The following B3GALT2 variants were observed in gnomAD, a reference collection of about 807,000 sequenced individuals.
B3GALT2 encodes UDP-Gal:betaGlcNAc beta 1,3-galactosyltransferase, polypeptide 2.
A neutral mutation model predicts 33.5 loss-of-function variants in B3GALT2; 13 were observed. That is an observed-to-expected ratio of 0.39 (90% CI 0.25 to 0.62). The LOEUF (loss-of-function observed/expected upper bound fraction) is 0.62. Ranked by LOEUF, B3GALT2 falls within the 20% of genes least tolerant of loss-of-function variation. The pLI is 0.53. For missense variants in B3GALT2, 418 were observed against 509.1 expected (o/e 0.82, Z 1.72); for synonymous variants, 195 against 172.7 (o/e 1.13, Z -1.01).
chr1:193,178,997 C>G lies in B3GALT2; in HGVS notation c.*1297G>C, dbSNP rs1676661602. ...GTTGGTATTTCTTGATTTTAAAATT[C>G]ATGATGGAGTCAAACAAAATTATTG... On this transcript the variant is annotated 3_prime_UTR_variant, in exon 2 of 2. Coordinates refer to ENST00000367434, the MANE Select transcript of B3GALT2 (RefSeq NM_003783.3). The G allele has an allele frequency of 6.6e-6, 1 of 152,154 alleles. No individual in the cohort carries two copies. The highest frequency in any genetic ancestry group is 2.1e-4 in the South Asian group (1 of 4,838). 9.4% of individuals were successfully genotyped at this position (152,154 alleles called of 1,614,324 possible). A position where few individuals can be genotyped will look rare whatever the true frequency, so the allele number is the denominator to read the frequency against.
rs1676716767 is a variant in B3GALT2 at position 193,181,524 on chromosome 1, C to T, written c.39G>A (p.Lys13=). 1 of 1,607,542 alleles carries T rather than the reference C, an allele frequency of 6.2e-7. No individual in the cohort carries two copies. Among genetic ancestry groups the T allele is most frequent in the Non-Finnish European group, 8.5e-7 (1 of 1,177,326 alleles). The stretch of plus-strand genomic sequence containing the variant: ...GAGACCTTTTGGCATTCCAGGTCAT[C>T]TTTGCAAAGCAGCAGTGTCTTCTCC... The part of the protein sequence containing the change: ...QWRRRHCCFA[K]MTWNAKRSLF... The change falls in exon 2 of 2, where the codon AAG becomes AAA. Residue 13 remains lysine, a synonymous_variant. Coordinates refer to ENST00000367434, the MANE Select transcript of B3GALT2 (RefSeq NM_003783.3).
In B3GALT2 at chr1:193,183,169, T is replaced by C. The variant is rs190274101; in HGVS notation, c.-120-1487A>G. On this transcript the variant is annotated intron_variant, in intron 1 of 1. Transcript: ENST00000367434. ...CATAACGTTAAGTACTTTGAAAATA[T>C]TGATTGAAAGTGTTAGATGTAAATG... Among the ~76,000 whole-genome samples, 343 of 151,796 alleles carry C rather than the reference T, an allele frequency of 2.3e-3. 2 individuals carry two copies. The highest frequency in any genetic ancestry group is 3.9e-3 in the Non-Finnish European group (261 of 67,788).
chr1:193,181,298 G>C lies in B3GALT2; in HGVS notation c.265C>G (p.Gln89Glu). Residue 89 changes from glutamine to glutamate, a missense_variant, in exon 2 of 2, where the codon CAA becomes GAA. By Grantham distance (29) the Gln-to-Glu change is conservative. This residue lies in a region of B3GALT2 where 188 missense variants were observed against 197.5 expected (regional missense o/e 0.95). Coordinates refer to ENST00000367434, the MANE Select transcript of B3GALT2 (RefSeq NM_003783.3). ...LRNIWKETVP[Q>E]TLRPQTATNS... is the part of the protein sequence containing the mutation. The stretch of plus-strand genomic sequence containing the variant: ...GTTGCTGTTTGAGGCCTCAGGGTTT[G>C]AGGGACTGTTTCTTTCCAAATGTTC... The C allele has an allele frequency of 6.2e-7, 1 of 1,614,068 alleles. No homozygotes were observed. Among genetic ancestry groups the C allele is most frequent in the Non-Finnish European group, 8.5e-7 (1 of 1,179,956 alleles).
rs773265990 is a variant in B3GALT2, at chr1:193,181,699, C to G, written c.-120-17G>C. 2 of 819,706 alleles carry G rather than the reference C, an allele frequency of 2.4e-6. No homozygotes were observed. Among genetic ancestry groups the G allele is most frequent in the Non-Finnish European group, 1.9e-6 (1 of 540,490 alleles). 50.8% of individuals were successfully genotyped at this position (819,706 alleles called of 1,614,324 possible). The stretch of plus-strand genomic sequence containing the variant: ...GTAGTCATTCTATAAAAATGAAGCA[C>G]AAAAGTTTACAGAACTGCCTGAAAG... On this transcript the variant is annotated splice_polypyrimidine_tract_variant and intron_variant, in intron 1 of 1. Transcript: ENST00000367434.
intron 1 of B3GALT2, among the ~76,000 whole-genome samples, chr1:193,182,326 C>G (rs905377431): frequency 1.3e-5 from 2 of 152,054 alleles, no homozygotes; most frequent in African/African-American, 4.8e-5. Flanking sequence ...TTAACACTTT[C>G]AAAAATTTTA....
chr1:193,183,836 T>A (rs999584798), intron 1 of B3GALT2, among the ~76,000 whole-genome samples: 2 of 151,930 alleles, frequency 1.3e-5, no homozygotes, highest in Admixed American at 1.3e-4. Flanking sequence ...GGAATCTGGT[T>A]GAAGTCCAAT....
rs1049944995 is a variant in B3GALT2 at position 193,186,458 on chromosome 1, T to C, written c.-560A>G. 2 of 152,570 alleles carry C rather than the reference T, an allele frequency of 1.3e-5. No individual in the cohort carries two copies. The highest frequency in any genetic ancestry group is 2.9e-5 in the Non-Finnish European group (2 of 68,030). 9.5% of individuals were successfully genotyped at this position (152,570 alleles called of 1,614,324 possible). On this transcript the variant is annotated 5_prime_UTR_variant, in exon 1 of 2. Transcript: ENST00000367434. ...GCAGCCAGAGCTAAAATGTAGTGCT[T>C]CAGTTGTATTGGAAAAGAATAGGAT...
chr1:193,181,710 A>C (rs1676720488), intron 1 of B3GALT2, 28 bp from the exon 2 acceptor site: 2 of 740,252 alleles, frequency 2.7e-6, no homozygotes, highest in South Asian at 4.6e-5. Context: ...AAAAGTTTAC[A>C]GAACTGCCTG....
chr1:193,185,543 T>C (rs967140359), intron 1 of B3GALT2, among the ~76,000 whole-genome samples: 1 of 152,214 alleles, frequency 6.6e-6, no homozygotes, highest in South Asian at 2.1e-4. Flanking sequence ...CATATTAAGG[T>C]TTTGTTTTAA....
At chr1:193,185,563 GA>G (rs200283970) in intron 1 of B3GALT2, among the ~76,000 whole-genome samples, 32 of 150,082 alleles carry the variant, frequency 2.1e-4, no homozygotes, top group African/African-American at 6.3e-4. Flanking sequence ...AAAGGACTTT[GA>G]AAAAAAAACT....
Position 193,181,162 on chromosome 1 carries a change from T to C in B3GALT2, c.401A>G (p.Tyr134Cys). ...CTCATTAATAATATATTTGAAATGG[T>C]AAGAATTTGGATGTCCAGTACCTTT... ...NEKGTGHPNS[Y>C]HFKYIINEPE... is the part of the protein sequence containing the mutation. Residue 134 changes from tyrosine to cysteine, a missense_variant, in exon 2 of 2, where the codon TAC (tyrosine) becomes TGC (cysteine). Physicochemically the swap from Tyr to Cys is radical, Grantham distance 194 (BLOSUM62 -2). Coordinates refer to ENST00000367434, the MANE Select transcript of B3GALT2 (RefSeq NM_003783.3). 6.2e-7 allele frequency: 1 copy of C among 1,613,930 alleles called. No homozygotes were observed. Among genetic ancestry groups the C allele is most frequent in the Non-Finnish European group, 8.5e-7 (1 of 1,179,934 alleles).
rs1279357292 is a variant in B3GALT2 at position 193,180,822 on chromosome 1, A to G, written c.741T>C (p.Tyr247=). 2 of 1,614,098 alleles carry G rather than the reference A, an allele frequency of 1.2e-6. No homozygotes were observed. Among genetic ancestry groups the G allele is most frequent in the African/African-American group, 1.3e-5 (1 of 75,064 alleles). The change falls in exon 2 of 2, where the codon TAT becomes TAC. Residue 247 remains tyrosine, a synonymous_variant. Coordinates refer to ENST00000367434, the MANE Select transcript of B3GALT2 (RefSeq NM_003783.3). The part of the protein sequence containing the change: ...WVATYCPHIP[Y]VMKTDSDMFV... ...ACATGTCACTGTCAGTTTTCATAAC[A>G]TATGGAATATGTGGACAGTATGTTG...
rs1214960823 is a variant in B3GALT2 at position 193,180,152 on chromosome 1, T to C, written c.*142A>G. Reference sequence around the variant, plus strand: ...TGTTATAGTTTTAAGAATTAACTTCTTCAGAAATTAAAAAAATACTTCTTG... The same window carrying C: ...TGTTATAGTTTTAAGAATTAACTTCCTCAGAAATTAAAAAAATACTTCTTG... On this transcript the variant is annotated 3_prime_UTR_variant, in exon 2 of 2. Transcript: ENST00000367434. 4.1e-6 allele frequency: 3 copies of C among 736,306 alleles called. No individual in the cohort carries two copies. Among genetic ancestry groups the C allele is most frequent in the Non-Finnish European group, 6.0e-6 (3 of 502,490 alleles). The allele number at this position is 736,306 out of a possible 1,614,324, so 45.6% of individuals were successfully genotyped here. A position where few individuals can be genotyped will look rare whatever the true frequency, so the allele number is the denominator to read the frequency against.
intron 1 of B3GALT2, among the ~76,000 whole-genome samples, chr1:193,184,033 A>G (rs1443919793): frequency 6.6e-6 from 1 of 151,872 alleles, no homozygotes; most frequent in Admixed American, 6.6e-5. Flanking sequence ...AGTATTACAG[A>G]AAACAGCAAA....
In B3GALT2 at chr1:193,180,955, C is replaced by T. The variant is rs752679607; in HGVS notation, c.608G>A (p.Arg203His). 5 of 1,613,378 alleles carry T rather than the reference C, an allele frequency of 3.1e-6. No individual in the cohort carries two copies. Among genetic ancestry groups the T allele is most frequent in the South Asian group, 1.1e-5 (1 of 91,074 alleles). ...TTGTCTGCTTTCTTCCAGTATTGCACGTTGAAGGTAGCCATTTAGCTTAAT... is the reference window on the plus strand; with the variant it reads ...TTGTCTGCTTTCTTCCAGTATTGCATGTTGAAGGTAGCCATTTAGCTTAAT... ...LSIKLNGYLQ[R>H]AILEESRQYH... is the part of the protein sequence containing the mutation. Residue 203 changes from arginine (R) to histidine (H), a missense_variant, in exon 2 of 2, where the codon CGT (arginine) becomes CAT (histidine). By Grantham distance (29) the Arg-to-His change is conservative (BLOSUM62 0). Transcript: ENST00000367434.
At chr1:193,184,225 T>G (rs1676767405) in intron 1 of B3GALT2, among the ~76,000 whole-genome samples, 1 of 151,930 alleles carries the variant, frequency 6.6e-6, no homozygotes, top group Non-Finnish European at 1.5e-5. Flanking sequence ...ATGAAGTGCA[T>G]GTGTCTAGCC....
chr1:193,178,922 T>A lies in B3GALT2; in HGVS notation c.*1372A>T, dbSNP rs1215837401. ...AGAAACATTCTGACTAAATTAAGAT[T>A]GACAGATTTACATACTTGTATGGAA... On this transcript the variant is annotated 3_prime_UTR_variant, in exon 2 of 2. Transcript: ENST00000367434. 6.6e-6 allele frequency: 1 copy of A among 152,182 alleles called. No homozygotes were observed. Among genetic ancestry groups the A allele is most frequent in the Non-Finnish European group, 1.5e-5 (1 of 67,998 alleles). 9.4% of individuals were successfully genotyped at this position (152,182 alleles called of 1,614,324 possible).
In B3GALT2 at chr1:193,180,066, C is replaced by A; in HGVS notation, c.*228G>T. ...ATGCTTGTTATTGCATGTTAATACA[C>A]AGAATCTCCTTATACAGTTTTTTAA... On this transcript the variant is annotated 3_prime_UTR_variant, in exon 2 of 2. Transcript: ENST00000367434. 2.8e-6 allele frequency: 1 copy of A among 353,912 alleles called. No homozygotes were observed. The highest frequency in any genetic ancestry group is 5.0e-6 in the Non-Finnish European group (1 of 201,220). The allele number at this position is 353,912 out of a possible 1,614,324, so 21.9% of individuals were successfully genotyped here. A position where few individuals can be genotyped will look rare whatever the true frequency, so the allele number is the denominator to read the frequency against.
Position 193,178,831 on chromosome 1 carries a change from A to G in B3GALT2, c.*1463T>C, listed in dbSNP as rs1320082497. On this transcript the variant is annotated 3_prime_UTR_variant, in exon 2 of 2. Transcript: ENST00000367434. The stretch of plus-strand genomic sequence containing the variant: ...GTTTTCAAGTTTCACAAATGTTACA[A>G]TTCTCTTCTGGTGATTTATCCCTTA... Among the ~76,000 whole-genome samples the G allele has an allele frequency of 1.3e-5, 2 of 152,174 alleles. No homozygotes were observed. The highest frequency in any genetic ancestry group is 2.4e-5 in the African/African-American group (1 of 41,464).
Sources: allele counts gnomAD v4.1 joint callset (sites outside exome capture counted in the v4.1 genomes callset), GRCh38; gene constraint gnomAD v4.1.1; regional missense constraint gnomAD v4.1.1; transcripts MANE v1.5; gene names NCBI Gene and HGNC (gene_info 2026-07-23, HGNC 2026-07-21).